Variants in SPAG16 observed in about 807,000 individuals in gnomAD.
SPAG16 encodes the protein sperm-associated antigen 16 protein.
A neutral mutation model predicts 80.4 loss-of-function variants in SPAG16; 86 were observed. The observed-to-expected ratio is 1.07, with a 90% CI of 0.90 to 1.28. SPAG16 has a LOEUF of 1.28. Ranked by LOEUF, SPAG16 falls within the 50% of genes most tolerant of loss-of-function variation. The pLI is 0.00. For synonymous variants in SPAG16, 294 were observed against 265.9 expected, an observed-to-expected ratio of 1.11 and a Z score of -1.03; for missense variants, 870 against 765.3, an observed-to-expected ratio of 1.14 and a Z score of -1.61.
At chr2:214,290,508 T>G (rs1023335578) in intron 15 of SPAG16, among the ~76,000 whole-genome samples, 2 of 152,186 alleles carry the variant, frequency 1.3e-5, no homozygotes, top group Admixed American at 1.3e-4. Flanking sequence ...AATGTAAATA[T>G]TTACTGTTAT....
At chr2:213,764,240 G>T (rs2068813564) in intron 10 of SPAG16, among the ~76,000 whole-genome samples, 1 of 151,898 alleles carries the variant, frequency 6.6e-6, no homozygotes, top group Non-Finnish European at 1.5e-5. Context: ...TGCCTTTTAG[G>T]AGTAATTTTC....
rs71399124 is a variant in SPAG16, at chr2:214,214,185, C to CTTTTTTT, written c.1720+64926_1720+64932dup. Among the ~76,000 whole-genome samples the CTTTTTTT allele has an allele frequency of 5.4e-3, 760 of 140,030 alleles. 18 individuals are homozygous for CTTTTTTT. Among genetic ancestry groups the CTTTTTTT allele is most frequent in the African/African-American group, 0.017 (618 of 37,168 alleles). 91.9% of individuals were successfully genotyped at this position (140,030 alleles called of 152,430 possible). A position where few individuals can be genotyped will look rare whatever the true frequency, so the allele number is the denominator to read the frequency against. On this transcript the variant is annotated intron_variant, in intron 15 of 15. Transcript: ENST00000331683. The stretch of plus-strand genomic sequence containing the variant: ...ATATCCTTCCCAACCTTCCTTTTTA[C>CTTTTTTT]TTTTTTTTTTTTTGAGACAGAGTCA...
intron 11 of SPAG16, among the ~76,000 whole-genome samples, chr2:213,904,622 CAAAG>C (rs2077362604): frequency 1.4e-5 from 1 of 72,990 alleles, no homozygotes; most frequent in Non-Finnish European, 2.9e-5. Flanking sequence ...AAAAAAAAAA[CAAAG>C]TAGGTAAAGG....
At chr2:213,709,046 C>G (rs1361709416) in intron 10 of SPAG16, among the ~76,000 whole-genome samples, 2 of 152,108 alleles carry the variant, frequency 1.3e-5, no homozygotes, top group Non-Finnish European at 2.9e-5. Flanking sequence ...TCTGACTGCC[C>G]TCTAGCAAAA....
intron 9 of SPAG16, among the ~76,000 whole-genome samples, chr2:213,421,280 A>G (rs1327058440): frequency 6.6e-6 from 1 of 152,132 alleles, no homozygotes; most frequent in African/African-American, 2.4e-5. Context: ...TGCTGTTGCA[A>G]CCCAGCCAGG....
intron 10 of SPAG16, among the ~76,000 whole-genome samples, chr2:213,851,316 C>T (rs1313007068): frequency 6.6e-6 from 1 of 152,046 alleles, no homozygotes; most frequent in African/African-American, 2.4e-5. Context: ...TCGAGACCAG[C>T]CTGACCAACA....
At chr2:213,424,991 G>A (rs992342543) in intron 9 of SPAG16, among the ~76,000 whole-genome samples, 1 of 152,274 alleles carries the variant, frequency 6.6e-6, no homozygotes, top group East Asian at 1.9e-4. Context: ...GTTTTTGTCA[G>A]GAATAAGGGA....
chr2:213,472,716 A>G (rs1349278121), intron 9 of SPAG16, among the ~76,000 whole-genome samples: 1 of 152,122 alleles, frequency 6.6e-6, no homozygotes, highest in Non-Finnish European at 1.5e-5. Context: ...ATGCACCACA[A>G]TTCAGACCTG....
chr2:213,598,743 C>A (rs756765838), intron 10 of SPAG16, among the ~76,000 whole-genome samples: 2 of 152,130 alleles, frequency 1.3e-5, no homozygotes, highest in Non-Finnish European at 1.5e-5. Flanking sequence ...GGTACTGAGA[C>A]AGGAATAATA....
At chr2:213,586,907 G>C (rs1370851530) in intron 10 of SPAG16, among the ~76,000 whole-genome samples, 1 of 152,150 alleles carries the variant, frequency 6.6e-6, no homozygotes, top group Non-Finnish European at 1.5e-5. Context: ...GGGCCCTCTG[G>C]GGTCATAGCC....
chr2:213,697,028 T>C (rs143180531), intron 10 of SPAG16, among the ~76,000 whole-genome samples: 124 of 152,222 alleles, frequency 8.1e-4, no homozygotes, highest in African/African-American at 2.6e-3. Flanking sequence ...CATTAGAAAG[T>C]GAGTCGCAGA....
chr2:213,765,563 C>T (rs932437426), intron 10 of SPAG16, among the ~76,000 whole-genome samples: 1 of 151,846 alleles, frequency 6.6e-6, no homozygotes, highest in Non-Finnish European at 1.5e-5. Flanking sequence ...TGCATTCTTA[C>T]ATTCCTTACA....
intron 10 of SPAG16, among the ~76,000 whole-genome samples, chr2:213,673,716 A>G (rs1235182751): frequency 6.6e-6 from 1 of 152,232 alleles, no homozygotes; most frequent in African/African-American, 2.4e-5. Flanking sequence ...AAGGTAATGT[A>G]ATAGTTACTT....
chr2:214,286,573 C>T (rs182693709), intron 15 of SPAG16, among the ~76,000 whole-genome samples: 2 of 152,150 alleles, frequency 1.3e-5, no homozygotes, highest in Middle Eastern at 3.4e-3. Context: ...CTGCCAAAAC[C>T]CTGTCTCTAC....
chr2:213,433,881 G>T (rs1200056484), intron 9 of SPAG16, among the ~76,000 whole-genome samples: 1 of 150,692 alleles, frequency 6.6e-6, no homozygotes, highest in Non-Finnish European at 1.5e-5. Flanking sequence ...ACAGCATTGG[G>T]AAAGGACACT....
chr2:213,514,647 G>A (rs927395806), intron 10 of SPAG16, among the ~76,000 whole-genome samples: 109 of 123,566 alleles, frequency 8.8e-4, no homozygotes, highest in African/African-American at 3.3e-3. Context: ...TCCCCAGAGT[G>A]TGATATTCCC....
chr2:213,538,274 T>C (rs2076316805), intron 10 of SPAG16, among the ~76,000 whole-genome samples: 1 of 152,158 alleles, frequency 6.6e-6, no homozygotes, highest in Non-Finnish European at 1.5e-5. Flanking sequence ...GTTTTCCCTA[T>C]TTTAAATTCC....
chr2:214,178,904 G>T (rs2057220051), intron 15 of SPAG16, among the ~76,000 whole-genome samples: 1 of 151,066 alleles, frequency 6.6e-6, no homozygotes, highest in African/African-American at 2.4e-5. Context: ...TATATAGCGT[G>T]TAAATAAAAG....
intron 12 of SPAG16, among the ~76,000 whole-genome samples, chr2:213,992,123 T>G (rs2046314393): frequency 6.6e-6 from 1 of 152,102 alleles, no homozygotes. Flanking sequence ...AAAACCCAAG[T>G]CCACTTTGAA....
Sources: allele counts gnomAD v4.1 joint callset (sites outside exome capture counted in the v4.1 genomes callset), GRCh38; gene constraint gnomAD v4.1.1; transcripts MANE v1.5; gene names NCBI Gene and HGNC (gene_info 2026-07-23, HGNC 2026-07-21).